The following ATP2B2 variants were observed in gnomAD, a reference collection of about 807,000 sequenced individuals.
ATP2B2 encodes plasma membrane calcium-transporting ATPase 2.
ATP2B2 carries 15 observed loss-of-function variants against 120.0 expected under a neutral mutation model. The ratio of observed to expected loss-of-function variants is 0.12; its 90% CI spans 0.08 to 0.19. The LOEUF (loss-of-function observed/expected upper bound fraction) is 0.19, where lower values mean the gene tolerates loss of function less well. ATP2B2 is among the 10% of genes least tolerant of loss of function. The pLI is 1.00. For missense variants in ATP2B2, 1,045 were observed against 1,719.8 expected, an observed-to-expected ratio of 0.61 and a Z score of 6.94; for synonymous variants, 694 against 700.3, an observed-to-expected ratio of 0.99 and a Z score of 0.14.
At chr3:10,484,576 C>T (rs370887244) in intron 1 of ATP2B2, among the ~76,000 whole-genome samples, 3 of 152,294 alleles carry the variant, frequency 2.0e-5, no homozygotes, top group East Asian at 1.9e-4. Flanking sequence ...GCTTCCCATG[C>T]TGCGTTTTCA....
chr3:10,415,719 A>G (rs946722651), intron 2 of ATP2B2, among the ~76,000 whole-genome samples: 23 of 152,224 alleles, frequency 1.5e-4, no homozygotes, highest in Non-Finnish European at 3.2e-4. Flanking sequence ...TCGAGATTCA[A>G]TTTAGATTAG....
upstream of ATP2B2, among the ~76,000 whole-genome samples, chr3:10,507,296 CTTCATCT>C (rs1335407944): frequency 2.0e-5 from 3 of 152,180 alleles, no homozygotes; most frequent in African/African-American, 4.8e-5. Context: ...CTCATCTCTG[CTTCATCT>C]TGCGGGTGCA....
chr3:10,600,125 G>C (rs1246388825), intron 2 of ATP2B2, among the ~76,000 whole-genome samples: 4 of 152,126 alleles, frequency 2.6e-5, no homozygotes, highest in Admixed American at 1.3e-4. Context: ...GGGGCCATGG[G>C]GGCCACACCC....
Position 10,617,558 on chromosome 3 carries a change from G to GCTC in ATP2B2, c.-415+2358_-415+2359insGAG, listed in dbSNP as rs1461239613. Reference sequence around the variant, plus strand: ...CCATCTTACAGGTGAAGAAACGAAGGCACAAAGGGGTGGAGTCACCCACAT... The same window carrying GCTC: ...CCATCTTACAGGTGAAGAAACGAAGGCTCCACAAAGGGGTGGAGTCACCCACAT... On this transcript the variant is annotated intron_variant, in intron 2 of 21. Coordinates refer to the ATP2B2 transcript ENST00000646379. 1.9e-3 allele frequency among the ~76,000 whole-genome samples: 288 copies of GCTC among 152,342 alleles called. 2 individuals carry two copies. Among genetic ancestry groups the GCTC allele is most frequent in the African/African-American group, 6.8e-3 (281 of 41,576 alleles).
chr3:10,698,140 G>C (rs774384336), intron 1 of ATP2B2, among the ~76,000 whole-genome samples: 32 of 152,164 alleles, frequency 2.1e-4, no homozygotes, highest in Non-Finnish European at 4.0e-4. Context: ...TCATTCCTCG[G>C]CCATGATTGG....
chr3:10,498,934 C>G (rs984206191), intron 1 of ATP2B2, among the ~76,000 whole-genome samples: 2 of 152,196 alleles, frequency 1.3e-5, no homozygotes, highest in African/African-American at 4.8e-5. Context: ...ATTTCGAATG[C>G]CTGGCATGAT....
chr3:10,358,602 A>T, intron 14 of ATP2B2, 89 bp downstream of exon 14: 1 of 1,240,996 alleles, frequency 8.1e-7, no homozygotes, highest in Non-Finnish European at 1.2e-6. Context: ...TGAGACTCAA[A>T]GAGGTGAAGT....
intron 2 of ATP2B2, among the ~76,000 whole-genome samples, chr3:10,547,620 A>G (rs932364904): frequency 3.9e-5 from 6 of 152,172 alleles, no homozygotes; most frequent in Non-Finnish European, 7.3e-5. Context: ...ACAGGCCCAG[A>G]GAGGGAGAGA....
intron 2 of ATP2B2, among the ~76,000 whole-genome samples, chr3:10,617,494 T>G (rs546622936): frequency 2.0e-5 from 3 of 152,256 alleles, no homozygotes; most frequent in African/African-American, 7.2e-5. Context: ...CGAAAGGAGG[T>G]GGCCTCGCTG....
chr3:10,340,745 G>A lies in ATP2B2; in HGVS notation c.2918-41C>T, dbSNP rs546096885. The A allele has an allele frequency of 4.5e-5, 72 of 1,606,906 alleles. 1 individual carries two copies. The South Asian group carries it at 7.2e-4, about 16-fold the overall frequency. ...GTGGGGCTGGGCTGAAGGCAGTGGT[G>A]GGGGAATCAGAGGGGAGATGCCTGG... On this transcript the variant is annotated intron_variant, in intron 19 of 22. Transcript: ENST00000360273. The surrounding 1 kb of genome is among the most constrained non-coding windows in gnomAD (Gnocchi z 5.0).
intron 2 of ATP2B2, among the ~76,000 whole-genome samples, chr3:10,551,598 G>A (rs1295453858): frequency 6.6e-6 from 1 of 152,232 alleles, no homozygotes; most frequent in East Asian, 1.9e-4. Context: ...CTCAGATTTA[G>A]AGATAGATTT....
At chr3:10,616,578 T>C (rs890405918) in intron 2 of ATP2B2, among the ~76,000 whole-genome samples, 3 of 152,188 alleles carry the variant, frequency 2.0e-5, no homozygotes, top group Non-Finnish European at 2.9e-5. Flanking sequence ...CTATGTGACA[T>C]TGACCTTGGC....
chr3:10,543,720 C>G (rs1332098296), intron 2 of ATP2B2, among the ~76,000 whole-genome samples: 1 of 151,472 alleles, frequency 6.6e-6, no homozygotes, highest in East Asian at 1.9e-4. Context: ...ACAATCAACA[C>G]TCTTTGAGTG....
At chr3:10,396,064 G>A (rs926941058) in intron 5 of ATP2B2, among the ~76,000 whole-genome samples, 6 of 152,228 alleles carry the variant, frequency 3.9e-5, no homozygotes, top group African/African-American at 1.4e-4. Flanking sequence ...GGTCATTTGA[G>A]TCTTTCTGAA....
chr3:10,603,485 A>G (rs1427322305), intron 2 of ATP2B2, among the ~76,000 whole-genome samples: 1 of 152,236 alleles, frequency 6.6e-6, no homozygotes, highest in Non-Finnish European at 1.5e-5. Flanking sequence ...CTGCTGCTAA[A>G]AGCCTGCTCT....
intron 1 of ATP2B2, among the ~76,000 whole-genome samples, chr3:10,650,619 G>A (rs576121318): frequency 2.2e-4 from 33 of 152,212 alleles, no homozygotes; most frequent in Non-Finnish European, 1.8e-4. Context: ...AGGACATGTT[G>A]GAGGTCTTCA....
At position 10,417,072 on chromosome 3, in the gene ATP2B2, G is replaced by GGC. The variant is rs1553594168; in HGVS notation, c.200-6258_200-6257insGC. On this transcript the variant is annotated intron_variant, in intron 2 of 22. Transcript: ENST00000360273. ...CTCCTCACTTCCCAGACGGCGGCGG[G>GGC]GGGGGGCGGGCAGAGGGGCTCCTCA... Among the ~76,000 whole-genome samples, 1,013 of 138,996 alleles carry GGC rather than the reference G, an allele frequency of 7.3e-3. 93 individuals are homozygous for GGC. Among genetic ancestry groups the GGC allele is most frequent in the African/African-American group, 0.026 (806 of 31,170 alleles). 91.2% of individuals were successfully genotyped at this position (138,996 alleles called of 152,430 possible).
At chr3:10,487,580 C>T (rs2065740514) in intron 1 of ATP2B2, among the ~76,000 whole-genome samples, 1 of 152,232 alleles carries the variant, frequency 6.6e-6, no homozygotes, top group Non-Finnish European at 1.5e-5. Flanking sequence ...ATGTGTCCTA[C>T]AGGCAGGGAC....
chr3:10,631,217 A>C (rs1638432453), intron 1 of ATP2B2, among the ~76,000 whole-genome samples: 1 of 152,276 alleles, frequency 6.6e-6, no homozygotes, highest in South Asian at 2.1e-4. Context: ...GGCACTTAGT[A>C]AAATGCTACT....
Sources: allele counts gnomAD v4.1 joint callset (sites outside exome capture counted in the v4.1 genomes callset), GRCh38; gene constraint gnomAD v4.1.1; non-coding constraint Gnocchi (gnomAD v3.1); transcripts MANE v1.5; gene names NCBI Gene and HGNC (gene_info 2026-07-23, HGNC 2026-07-21).